BMPR1B: variants seen among roughly 807,000 people sequenced by gnomAD.
BMPR1B encodes the protein bone morphogenetic protein receptor type-1B.
Under a neutral mutation model 59.1 loss-of-function variants are expected in BMPR1B, and 12 were observed. The ratio of observed to expected loss-of-function variants is 0.20; its 90% CI spans 0.13 to 0.33. The LOEUF is 0.33. Among genes scored for constraint, BMPR1B ranks in the 10% least tolerant of loss-of-function variants. The probability of loss-of-function intolerance (pLI) is 1.00; values close to 1 mark genes in which losing one functional copy is unlikely to be tolerated. For synonymous variants in BMPR1B, 237 were observed against 207.3 expected (o/e 1.14, Z -1.23); for missense variants, 550 against 610.9 (o/e 0.90, Z 1.05).
chr4:94,786,746 G>C (rs1203202273), intron 1 of BMPR1B, among the ~76,000 whole-genome samples: 1 of 151,804 alleles, frequency 6.6e-6, no homozygotes, highest in Non-Finnish European at 1.5e-5. Context: ...GGGCTTCACC[G>C]TGTTAGCCAG....
intron 2 of BMPR1B, among the ~76,000 whole-genome samples, chr4:94,900,789 A>G (rs1182464626): frequency 6.6e-6 from 1 of 151,958 alleles, no homozygotes; most frequent in Admixed American, 6.6e-5. Context: ...TAACTTACCA[A>G]AAAAGGGTAT....
At chr4:94,841,956 C>T (rs1335715180) in intron 1 of BMPR1B, among the ~76,000 whole-genome samples, 1 of 152,024 alleles carries the variant, frequency 6.6e-6, no homozygotes, top group Non-Finnish European at 1.5e-5. Context: ...AGTGGAAGGA[C>T]GTTATGATAA....
At chr4:95,121,254 A>G (rs1053031612) in intron 6 of BMPR1B, among the ~76,000 whole-genome samples, 2 of 152,254 alleles carry the variant, frequency 1.3e-5, no homozygotes, top group African/African-American at 4.8e-5. Context: ...GGAGAACTAC[A>G]AAACACTGCT....
At chr4:95,154,055 A>G (rs1424567195) in intron 12 of BMPR1B, among the ~76,000 whole-genome samples, 1 of 152,194 alleles carries the variant, frequency 6.6e-6, no homozygotes, top group Non-Finnish European at 1.5e-5. Context: ...TTTCAATAGG[A>G]AGACCAATAA....
intron 1 of BMPR1B, among the ~76,000 whole-genome samples, chr4:94,869,633 A>T (rs925192615): frequency 4.6e-5 from 7 of 152,174 alleles, no homozygotes; most frequent in Non-Finnish European, 1.0e-4. Flanking sequence ...TGGGTTCAAA[A>T]GGCCTACTTG....
In BMPR1B at chr4:94,816,631, T is replaced by G. The variant is rs55739023; in HGVS notation, c.-183+58563T>G. ...GCTAAGGCCATTTTTCTATAGAAAT[T>G]AATACAAAATGAATATATGAAATAC... On this transcript the variant is annotated intron_variant, in intron 1 of 12. Coordinates refer to ENST00000515059, the MANE Select transcript of BMPR1B (RefSeq NM_001203.3). Among the ~76,000 whole-genome samples the G allele has an allele frequency of 5.2e-3, 797 of 152,288 alleles. 7 individuals carry two copies. The highest frequency in any genetic ancestry group is 0.018 in the African/African-American group (753 of 41,544).
At chr4:95,133,899 T>A (rs1244275211) in intron 10 of BMPR1B, among the ~76,000 whole-genome samples, 2 of 152,116 alleles carry the variant, frequency 1.3e-5, no homozygotes, top group Non-Finnish European at 2.9e-5. Context: ...CATTATACTT[T>A]TAAGTTCTAG....
chr4:94,950,517 GT>G (rs1560563620), intron 2 of BMPR1B, among the ~76,000 whole-genome samples: 1 of 152,128 alleles, frequency 6.6e-6, no homozygotes, highest in East Asian at 1.9e-4. Context: ...TGGCTAGCCA[GT>G]TTTCCCAACA....
chr4:94,855,020 G>A (rs1001971557), intron 1 of BMPR1B, among the ~76,000 whole-genome samples: 3 of 151,996 alleles, frequency 2.0e-5, no homozygotes, highest in Non-Finnish European at 2.9e-5. Flanking sequence ...ATATTGGATG[G>A]CACCAACCAT....
chr4:95,099,599 C>T (rs1020576191), intron 3 of BMPR1B, among the ~76,000 whole-genome samples: 1 of 151,580 alleles, frequency 6.6e-6, no homozygotes, highest in African/African-American at 2.4e-5. Flanking sequence ...CTGTTTCACG[C>T]GCGCACACGC....
chr4:94,770,712 G>C (rs1722154006), intron 1 of BMPR1B, among the ~76,000 whole-genome samples: 1 of 151,294 alleles, frequency 6.6e-6, no homozygotes, highest in South Asian at 2.1e-4. Context: ...TTTTTTCACT[G>C]TCTTTGTTTC....
chr4:94,906,501 A>G (rs989980329), intron 2 of BMPR1B, among the ~76,000 whole-genome samples: 1 of 152,052 alleles, frequency 6.6e-6, no homozygotes, highest in East Asian at 1.9e-4. Flanking sequence ...CTGACTGTTC[A>G]TTTATGAAAG....
At chr4:94,792,855 G>A (rs1246281240) in intron 1 of BMPR1B, among the ~76,000 whole-genome samples, 3 of 151,954 alleles carry the variant, frequency 2.0e-5, no homozygotes, top group African/African-American at 7.2e-5. Flanking sequence ...ATATACAAAA[G>A]TTACCTGAAA....
intron 1 of BMPR1B, among the ~76,000 whole-genome samples, chr4:94,795,937 C>T (rs558275670): frequency 6.6e-6 from 1 of 151,490 alleles, no homozygotes; most frequent in South Asian, 2.1e-4. Flanking sequence ...TCAGCAAATT[C>T]AGTCAGGCCA....
chr4:95,057,098 T>TGTCTTGAG (rs1560622174), intron 3 of BMPR1B, among the ~76,000 whole-genome samples: 1 of 152,214 alleles, frequency 6.6e-6, no homozygotes, highest in Non-Finnish European at 1.5e-5. Context: ...TTTATTGTTG[T>TGTCTTGAG]GTCTTGAGTG....
chr4:95,002,983 A>G lies in BMPR1B; in HGVS notation c.-18+6849A>G, dbSNP rs192673377. On this transcript the variant is annotated intron_variant, in intron 3 of 12. Coordinates refer to ENST00000515059, the MANE Select transcript of BMPR1B (RefSeq NM_001203.3). ...GCTCTATTCTCTTTTCTGGTTTAGA[A>G]TGTTCCTTTATTTAAAAAAAAATTA... Among the ~76,000 whole-genome samples the G allele has an allele frequency of 5.3e-5, 8 of 151,610 alleles. No homozygotes were observed. The East Asian group carries it at 1.5e-3, about 29-fold the overall frequency.
chr4:95,128,173 A>C (rs1470471590), intron 8 of BMPR1B, among the ~76,000 whole-genome samples: 1 of 152,184 alleles, frequency 6.6e-6, no homozygotes, highest in Non-Finnish European at 1.5e-5. Flanking sequence ...GGCATGAGCC[A>C]CCGTGCCCAG....
At chr4:94,903,885 T>A (rs1727928578) in intron 2 of BMPR1B, among the ~76,000 whole-genome samples, 1 of 151,992 alleles carries the variant, frequency 6.6e-6, no homozygotes, top group African/African-American at 2.4e-5. Flanking sequence ...GATCCCAGAC[T>A]TCCAGCCTCC....
At chr4:94,957,476 T>C (rs77479363) in intron 2 of BMPR1B, among the ~76,000 whole-genome samples, 5,597 of 152,024 alleles carry the variant, frequency 0.037, 347 homozygotes, top group African/African-American at 0.13. Context: ...CTATTACTTG[T>C]AGTGCTGTTT....
Sources: allele counts gnomAD v4.1 joint callset (sites outside exome capture counted in the v4.1 genomes callset), GRCh38; gene constraint gnomAD v4.1.1; transcripts MANE v1.5; gene names NCBI Gene and HGNC (gene_info 2026-07-23, HGNC 2026-07-21).